TENM3: variants seen among roughly 807,000 people sequenced by gnomAD.
TENM3 encodes teneurin-3.
In TENM3, 63 loss-of-function variants were observed where a neutral mutation model predicts 255.1. That is an observed-to-expected ratio of 0.25 (90% CI 0.20 to 0.30). The LOEUF is 0.30. Among genes scored for constraint, TENM3 ranks in the 10% least tolerant of loss-of-function variants. The pLI, the probability that TENM3 is intolerant of heterozygous loss-of-function variation, is 1.00. For missense variants in TENM3, 2,929 were observed against 3,461.1 expected (o/e 0.85, Z 3.86); for synonymous variants, 1,306 against 1,322.3 (o/e 0.99, Z 0.27).
chr4:181,452,173 C>G, the TENM3 span, among the ~76,000 whole-genome samples: 1 of 152,006 alleles, frequency 6.6e-6, no homozygotes, highest in Non-Finnish European at 1.5e-5. Context: ...TGGGCAAAAT[C>G]CATATTGAAG....
intron 24 of TENM3, among the ~76,000 whole-genome samples, chr4:182,786,997 T>A (rs962207002): frequency 2.0e-5 from 3 of 152,130 alleles, no homozygotes; most frequent in African/African-American, 4.8e-5. Context: ...CTGAAGAACT[T>A]GATTCTGCCA....
chr4:181,932,342 A>G, the TENM3 span, among the ~76,000 whole-genome samples: 64 of 152,208 alleles, frequency 4.2e-4, no homozygotes, highest in Non-Finnish European at 8.4e-4. Flanking sequence ...ACCCCATCAA[A>G]AAGTGGACAA....
chr4:182,162,793 T>G (rs2149654366), intron 1 of TENM3, among the ~76,000 whole-genome samples: 1 of 152,262 alleles, frequency 6.6e-6, no homozygotes, highest in East Asian at 1.9e-4. Flanking sequence ...CAAAAAGGGC[T>G]TAGCTAGTCC....
chr4:182,472,012 A>G (rs1733171252), intron 3 of TENM3, among the ~76,000 whole-genome samples: 1 of 152,150 alleles, frequency 6.6e-6, no homozygotes, highest in South Asian at 2.1e-4. Context: ...TACTAAAAAT[A>G]CCTAGGGGGA....
At chr4:182,346,062 CACATATAT>C (rs1391523169) in intron 2 of TENM3, among the ~76,000 whole-genome samples, 1 of 135,944 alleles carries the variant, frequency 7.4e-6, no homozygotes, top group African/African-American at 2.7e-5. Context: ...CCCACACACA[CACATATAT>C]ACATACATAC....
At chr4:181,700,210 T>G in the TENM3 span, among the ~76,000 whole-genome samples, 1 of 129,260 alleles carries the variant, frequency 7.7e-6, no homozygotes, top group Non-Finnish European at 1.5e-5. Flanking sequence ...CTAAGTTTGA[T>G]TTTTATTTTA....
At chr4:181,597,321 C>G in the TENM3 span, among the ~76,000 whole-genome samples, 1 of 152,176 alleles carries the variant, frequency 6.6e-6, no homozygotes, top group Admixed American at 6.5e-5. Flanking sequence ...CTTCCCTAAA[C>G]TGTGTTTGCA....
At chr4:181,562,222 G>A in the TENM3 span, among the ~76,000 whole-genome samples, 2 of 149,732 alleles carry the variant, frequency 1.3e-5, no homozygotes, top group Non-Finnish European at 3.0e-5. Context: ...TATCTATTAC[G>A]TTTTTTTTTA....
chr4:182,588,801 T>C (rs1207878000), intron 3 of TENM3, among the ~76,000 whole-genome samples: 1 of 152,240 alleles, frequency 6.6e-6, no homozygotes, highest in Non-Finnish European at 1.5e-5. Flanking sequence ...TGAGGCATTA[T>C]GGTTGACAAG....
chr4:181,754,293 C>CACACACACAG, the TENM3 span, among the ~76,000 whole-genome samples: 1 of 150,940 alleles, frequency 6.6e-6, no homozygotes, highest in Non-Finnish European at 1.5e-5. Flanking sequence ...GTCACACACA[C>CACACACACAG]ACACACACAC....
chr4:181,954,156 G>A, the TENM3 span, among the ~76,000 whole-genome samples: 2 of 152,022 alleles, frequency 1.3e-5, no homozygotes, highest in African/African-American at 4.8e-5. Context: ...ACTATAATTT[G>A]TTTATCTTTA....
the TENM3 span, among the ~76,000 whole-genome samples, chr4:181,702,419 C>T: frequency 3.9e-5 from 6 of 152,178 alleles, no homozygotes; most frequent in Admixed American, 3.3e-4. Context: ...AACATATTAT[C>T]AAACTCCACT....
the TENM3 span, among the ~76,000 whole-genome samples, chr4:181,576,249 C>T: frequency 6.6e-6 from 1 of 152,178 alleles, no homozygotes; most frequent in African/African-American, 2.4e-5. Context: ...GCCTCCAGTT[C>T]CGTCCATGTT....
chr4:181,576,097 C>T, the TENM3 span, among the ~76,000 whole-genome samples: 49 of 152,184 alleles, frequency 3.2e-4, no homozygotes, highest in Middle Eastern at 3.4e-3. Flanking sequence ...TCTGATCATC[C>T]GCCCCTCCTA....
chr4:182,796,350 G>C (rs567042023), intron 26 of TENM3, among the ~76,000 whole-genome samples: 1 of 152,150 alleles, frequency 6.6e-6, no homozygotes, highest in Non-Finnish European at 1.5e-5. Flanking sequence ...ACCTTTGCTA[G>C]CACTGTTACT....
the TENM3 span, among the ~76,000 whole-genome samples, chr4:182,034,430 T>C: frequency 6.6e-6 from 1 of 152,192 alleles, no homozygotes; most frequent in East Asian, 1.9e-4. Context: ...GTCATGATGA[T>C]GCTAGCTGGT....
chr4:182,075,087 G>T, the TENM3 span, among the ~76,000 whole-genome samples: 1 of 151,510 alleles, frequency 6.6e-6, no homozygotes, highest in South Asian at 2.1e-4. Context: ...CCAACCCATT[G>T]TTACCATGCA....
intron 1 of TENM3, among the ~76,000 whole-genome samples, chr4:182,257,825 A>T (rs1427157886): frequency 1.3e-5 from 2 of 152,128 alleles, no homozygotes; most frequent in Admixed American, 6.5e-5. Flanking sequence ...TAGAATTGAG[A>T]TTCAAACCTC....
chr4:181,648,539 C>G, the TENM3 span, among the ~76,000 whole-genome samples: 1 of 152,174 alleles, frequency 6.6e-6, no homozygotes, highest in Non-Finnish European at 1.5e-5. Context: ...CTCGAGTGAG[C>G]AAGAAACTGG....
Sources: allele counts gnomAD v4.1 joint callset (sites outside exome capture counted in the v4.1 genomes callset), GRCh38; gene constraint gnomAD v4.1.1; transcripts MANE v1.5; gene names NCBI Gene and HGNC (gene_info 2026-07-23, HGNC 2026-07-21).